DEFB125: variants seen among roughly 807,000 people sequenced by gnomAD.
DEFB125 encodes defensin beta 125.
In DEFB125, 11 loss-of-function variants were observed where a neutral mutation model predicts 11.8. The observed-to-expected ratio is 0.94, with a 90% CI of 0.59 to 1.55. The LOEUF is 1.55. Ranked by LOEUF, DEFB125 falls within the 40% of genes most tolerant of loss-of-function variation. The pLI is 0.00. For missense variants in DEFB125, 198 were observed against 191.2 expected (o/e 1.04, Z -0.21); for synonymous variants, 79 against 66.7 (o/e 1.18, Z -0.90).
At chr20:87,950 A>G (rs1257944230) in intron 1 of DEFB125, among the ~76,000 whole-genome samples, 183 bp downstream of exon 1, 2 of 152,206 alleles carry the variant, frequency 1.3e-5, no homozygotes, top group East Asian at 3.8e-4. Context: ...TGTTAGGGGC[A>G]TCTAGCAAGC....
rs142738449 is a variant in DEFB125 at position 93,160 on chromosome 20, C to T, written c.59-2845C>T. Reference sequence around the variant, plus strand: ...TAATTTTTGTATTTTTTAGTAGAGACAGGGTTTCACCATGGCCAGGCTGGT... The same window carrying T: ...TAATTTTTGTATTTTTTAGTAGAGATAGGGTTTCACCATGGCCAGGCTGGT... On this transcript the variant is annotated intron_variant, in intron 1 of 1. Coordinates refer to ENST00000382410, the MANE Select transcript of DEFB125 (RefSeq NM_153325.4). Among the ~76,000 whole-genome samples the T allele has an allele frequency of 2.0e-3, 301 of 152,034 alleles. 3 individuals carry two copies. The highest frequency in any genetic ancestry group is 3.7e-3 in the Non-Finnish European group (252 of 67,964).
Position 96,606 on chromosome 20 carries a change from GA to G in DEFB125, c.*192del. 1.6e-6 allele frequency: 1 copy of G among 631,352 alleles called. No individual in the cohort carries two copies. Among genetic ancestry groups the G allele is most frequent in the African/African-American group, 1.8e-5 (1 of 54,758 alleles). 39.1% of individuals were successfully genotyped at this position (631,352 alleles called of 1,614,324 possible). A position where few individuals can be genotyped will look rare whatever the true frequency, so the allele number is the denominator to read the frequency against. On this transcript the variant is annotated 3_prime_UTR_variant, in exon 2 of 2. Coordinates refer to ENST00000382410, the MANE Select transcript of DEFB125 (RefSeq NM_153325.4). Reference sequence around the variant, plus strand: ...CCTTACAATTAGAAATGTGTAGACAGAAATGTATAGAAGATACAAGGATTCT... The same window carrying G: ...CCTTACAATTAGAAATGTGTAGACAGAATGTATAGAAGATACAAGGATTCT...
Position 88,892 on chromosome 20 carries a change from ACAGT to A in DEFB125, c.58+1128_58+1131del, listed in dbSNP as rs1410245231. Among the ~76,000 whole-genome samples the A allele has an allele frequency of 9.9e-5, 15 of 152,060 alleles. No homozygotes were observed. The South Asian group carries it at 2.7e-3, about 27-fold the overall frequency. On this transcript the variant is annotated intron_variant, in intron 1 of 1. Coordinates refer to ENST00000382410, the MANE Select transcript of DEFB125 (RefSeq NM_153325.4). ...CACACACACACACACACACACACAC[ACAGT>A]CAAACCACCTACCAGAAAAGCTGAA...
In DEFB125 at chr20:96,769, G is replaced by A. The variant is rs2054517524; in HGVS notation, c.*352G>A. On this transcript the variant is annotated 3_prime_UTR_variant, in exon 2 of 2. Coordinates refer to ENST00000382410, the MANE Select transcript of DEFB125 (RefSeq NM_153325.4). Reference sequence around the variant, plus strand: ...ACAAAAACGAAGACCATTGTTTGGAGCTGCCTCTTATGACTAAGACAAGAA... The same window carrying A: ...ACAAAAACGAAGACCATTGTTTGGAACTGCCTCTTATGACTAAGACAAGAA... The A allele has an allele frequency of 4.7e-6, 1 of 214,742 alleles. No homozygotes were observed. The highest frequency in any genetic ancestry group is 1.0e-4 in the South Asian group (1 of 9,764). 13.3% of individuals were successfully genotyped at this position (214,742 alleles called of 1,614,324 possible).
At chr20:95,866 C>T in intron 1 of DEFB125, 139 bp from the exon 2 acceptor site, 2 of 734,602 alleles carry the variant, frequency 2.7e-6, no homozygotes, top group Non-Finnish European at 2.1e-6. Flanking sequence ...TTTTGTTCTC[C>T]TGTTTGTCTC....
chr20:92,900 T>C (rs570428306), intron 1 of DEFB125, among the ~76,000 whole-genome samples: 1 of 152,228 alleles, frequency 6.6e-6, no homozygotes, highest in South Asian at 2.1e-4. Context: ...CAGTCTGCTC[T>C]GTGTGAATTT....
At position 96,086 on chromosome 20, in the gene DEFB125, T is replaced by G. The variant is rs1265457055; in HGVS notation, c.140T>G (p.Leu47Arg). 20 of 1,613,996 alleles carry G rather than the reference T, an allele frequency of 1.2e-5. No individual in the cohort carries two copies. Among genetic ancestry groups the G allele is most frequent in the African/African-American group, 2.7e-5 (2 of 74,934 alleles). The change falls in exon 2 of 2, where the codon CTT becomes CGT. Residue 47 changes from leucine (L) to arginine (R), a missense_variant. Coordinates refer to ENST00000382410, the MANE Select transcript of DEFB125 (RefSeq NM_153325.4). Reference protein sequence around the residue: ...RRCLDTERYILLCRNKLSCCI... With the variant: ...RRCLDTERYIRLCRNKLSCCI... ...TGTTTAGATACTGAAAGGTACATACTTCTTTGTAGGAACAAGCTATCATGC... is the reference window on the plus strand; with the variant it reads ...TGTTTAGATACTGAAAGGTACATACGTCTTTGTAGGAACAAGCTATCATGC...
At chr20:95,306 C>CT (rs1221961512) in intron 1 of DEFB125, among the ~76,000 whole-genome samples, 1 of 152,094 alleles carries the variant, frequency 6.6e-6, no homozygotes, top group African/African-American at 2.4e-5. Flanking sequence ...TTCTAGTCCT[C>CT]TTTTTTTCTC....
chr20:96,818 C>G lies in DEFB125; in HGVS notation c.*401C>G, dbSNP rs894657531. ...AATTTTTACTTTAACAGTGCCTGGC[C>G]CACTACTATCGTATATAGGAGAACA... On this transcript the variant is annotated 3_prime_UTR_variant, in exon 2 of 2. Coordinates refer to ENST00000382410, the MANE Select transcript of DEFB125 (RefSeq NM_153325.4). The G allele has an allele frequency of 5.3e-6, 1 of 188,688 alleles. No individual in the cohort carries two copies. The highest frequency in any genetic ancestry group is 2.4e-5 in the African/African-American group (1 of 42,228). 11.7% of individuals were successfully genotyped at this position (188,688 alleles called of 1,614,324 possible).
chr20:90,027 T>C (rs2054490639), intron 1 of DEFB125, among the ~76,000 whole-genome samples: 1 of 152,350 alleles, frequency 6.6e-6, no homozygotes, highest in East Asian at 1.9e-4. Context: ...CAAGCCAAGC[T>C]ATCAGTGGAC....
At position 96,512 on chromosome 20, in the gene DEFB125, C is replaced by T. The variant is rs2054516508; in HGVS notation, c.*95C>T. ...CCAATCCAATTTCACCAGGAAAATT[C>T]CATCAGGGATTGGATGACCATGGGG... On this transcript the variant is annotated 3_prime_UTR_variant, in exon 2 of 2. Transcript: ENST00000382410. 6.9e-7 allele frequency: 1 copy of T among 1,443,552 alleles called. No individual in the cohort carries two copies. The highest frequency in any genetic ancestry group is 9.3e-7 in the Non-Finnish European group (1 of 1,078,132). The allele number at this position is 1,443,552 out of a possible 1,614,324, so 89.4% of individuals were successfully genotyped here.
intron 1 of DEFB125, among the ~76,000 whole-genome samples, chr20:89,088 T>C (rs182435520): frequency 6.6e-6 from 1 of 152,334 alleles, no homozygotes; most frequent in East Asian, 1.9e-4. Flanking sequence ...TAGTTATAAA[T>C]GAGTTTGAAC....
chr20:94,266 G>A (rs2054506801), intron 1 of DEFB125, among the ~76,000 whole-genome samples: 1 of 150,842 alleles, frequency 6.6e-6, no homozygotes, highest in Non-Finnish European at 1.5e-5. Flanking sequence ...TTTTATATTG[G>A]GAACATTCAG....
Position 96,635 on chromosome 20 carries a change from T to C in DEFB125, c.*218T>C, listed in dbSNP as rs2054517016. ...TGTATAGAAGATACAAGGATTCTCT[T>C]AATTGGACTTAAATTCTTTATCTGT... On this transcript the variant is annotated 3_prime_UTR_variant, in exon 2 of 2. Transcript: ENST00000382410. 3 of 519,196 alleles carry C rather than the reference T, an allele frequency of 5.8e-6. No individual in the cohort carries two copies. In the South Asian group the frequency reaches 1.2e-4, roughly 21 times the overall value. 32.2% of individuals were successfully genotyped at this position (519,196 alleles called of 1,614,324 possible).
At chr20:94,604 T>A (rs2054507997) in intron 1 of DEFB125, among the ~76,000 whole-genome samples, 1 of 152,202 alleles carries the variant, frequency 6.6e-6, no homozygotes, top group South Asian at 2.1e-4. Flanking sequence ...CTTGCACACC[T>A]GCTGTTCACC....
intron 1 of DEFB125, among the ~76,000 whole-genome samples, chr20:93,283 C>G (rs930709733): frequency 2.6e-5 from 4 of 152,092 alleles, no homozygotes; most frequent in African/African-American, 9.7e-5. Flanking sequence ...TGTCTCTTTT[C>G]TCATTGCTTG....
chr20:96,452 T>C lies in DEFB125; in HGVS notation c.*35T>C. On this transcript the variant is annotated 3_prime_UTR_variant, in exon 2 of 2. Transcript: ENST00000382410. Reference sequence around the variant, plus strand: ...ACTTCTGGTATGGAACAACTAGAAATACTGCTGGAAATAATATCCAAAGAG... The same window carrying C: ...ACTTCTGGTATGGAACAACTAGAAACACTGCTGGAAATAATATCCAAAGAG... The C allele has an allele frequency of 6.4e-7, 1 of 1,571,596 alleles. No homozygotes were observed. Among genetic ancestry groups the C allele is most frequent in the Non-Finnish European group, 8.6e-7 (1 of 1,161,676 alleles).
At chr20:93,531 A>C (rs1451412923) in intron 1 of DEFB125, among the ~76,000 whole-genome samples, 1 of 152,148 alleles carries the variant, frequency 6.6e-6, no homozygotes, top group Admixed American at 6.5e-5. Context: ...AGTTACCTTC[A>C]TACTACTAAA....
intron 1 of DEFB125, among the ~76,000 whole-genome samples, chr20:94,371 C>T (rs1035772771): frequency 3.9e-5 from 6 of 152,106 alleles, no homozygotes; most frequent in African/African-American, 1.4e-4. Flanking sequence ...CTTTTGGCAC[C>T]AGGGACCAGT....
Sources: gnomAD v4.1 joint callset for allele counts (sites outside exome capture counted in the v4.1 genomes callset) on GRCh38, gnomAD v4.1.1 for gene constraint, MANE v1.5 for transcripts, NCBI Gene and HGNC (gene_info 2026-07-23, HGNC 2026-07-21) for gene names.